Variants in POLG observed in about 807,000 individuals in gnomAD.
POLG encodes the protein DNA polymerase subunit gamma-1.
In POLG, 110 loss-of-function variants were observed where a neutral mutation model predicts 155.4. That is an observed-to-expected ratio of 0.71 (90% CI 0.61 to 0.83). The LOEUF (loss-of-function observed/expected upper bound fraction) is 0.83. Among genes scored for constraint, POLG ranks in the 40% least tolerant of loss-of-function variants. POLG has a pLI of 0.00. For missense variants in POLG, 1,685 were observed against 1,627.5 expected, an observed-to-expected ratio of 1.04 and a Z score of -0.61; for synonymous variants, 701 against 631.5, an observed-to-expected ratio of 1.11 and a Z score of -1.65.
intron 8 of POLG, 67 bp downstream of exon 8, chr15:89,326,845 C>T (rs1041587690): frequency 1.2e-6 from 2 of 1,607,980 alleles, no homozygotes; most frequent in African/African-American, 2.7e-5. Flanking sequence ...TCGAAGGACC[C>T]CCTCAATCAC....
chr15:89,322,491 A>G (rs907142774), intron 14 of POLG, among the ~76,000 whole-genome samples: 1 of 152,240 alleles, frequency 6.6e-6, no homozygotes, highest in Non-Finnish European at 1.5e-5. Flanking sequence ...CGGCTCCAGC[A>G]GTTACACCAA....
At chr15:89,320,259 G>A (rs1470157696) in intron 18 of POLG, among the ~76,000 whole-genome samples, 1 of 152,232 alleles carries the variant, frequency 6.6e-6, no homozygotes, top group African/African-American at 2.4e-5. Context: ...CCTGCAGAGA[G>A]TCTGCTAAGG....
rs2055416557 is a variant in POLG, at chr15:89,322,901, T to A, written c.2267A>T (p.Asp756Val). The change falls in exon 14 of 23, where the codon GAT becomes GTT. Residue 756 changes from aspartate to valine, a missense_variant and splice_region_variant. By Grantham distance (152) the Asp-to-Val change is radical. Coordinates refer to ENST00000268124, the MANE Select transcript of POLG (RefSeq NM_002693.3). Reference sequence around the variant, plus strand: ...GCTTCCCACATTACAGCTATTACCATCCTGGACAGAGCAAAGGAAGCAGGG... The same window carrying A: ...GCTTCCCACATTACAGCTATTACCAACCTGGACAGAGCAAAGGAAGCAGGG... ...GCWFFKLPHK[D>V]GNSCNVGSPF... 1 of 1,612,244 alleles carries A rather than the reference T, an allele frequency of 6.2e-7. No homozygotes were observed. The highest frequency in any genetic ancestry group is 1.3e-5 in the African/African-American group (1 of 74,970).
chr15:89,316,458 A>G lies in POLG; in HGVS notation c.*293T>C. 1 of 1,609,364 alleles carries G rather than the reference A, an allele frequency of 6.2e-7. No homozygotes were observed. The highest frequency in any genetic ancestry group is 1.7e-5 in the Admixed American group (1 of 59,634). ...CCAGCCAAGAAGAAAAGGAAAAAAT[A>G]AATGAAATGCCTGAGTTAATGTGAA... On this transcript the variant is annotated 3_prime_UTR_variant, in exon 23 of 23. Transcript: ENST00000268124.
chr15:89,325,927 G>A (rs1409755994), intron 9 of POLG, among the ~76,000 whole-genome samples: 1 of 152,194 alleles, frequency 6.6e-6, no homozygotes, highest in South Asian at 2.1e-4. Context: ...TCAGAAGCCA[G>A]GACACAAAAG....
At position 89,317,513 on chromosome 15, in the gene POLG, C is replaced by T; in HGVS notation, c.3506G>A (p.Gly1169Asp). The T allele has an allele frequency of 6.2e-7, 1 of 1,614,128 alleles. No homozygotes were observed. The highest frequency in any genetic ancestry group is 8.5e-7 in the Non-Finnish European group (1 of 1,180,010). ...LTRCMFAYKL[G>D]LNDLPQSVAF... The stretch of plus-strand genomic sequence containing the variant: ...GACTGACTGGGGCAAGTCATTCAGA[C>T]CCAGCTTGTAGGCAAACATGCACCT... The change falls in exon 22 of 23, where the codon GGT (glycine) becomes GAT (aspartate). Residue 1169 changes from glycine to aspartate, a missense_variant. By Grantham distance (94) the Gly-to-Asp change is moderately conservative. Coordinates refer to ENST00000268124, the MANE Select transcript of POLG (RefSeq NM_002693.3).
At chr15:89,319,676 A>G (rs1371262542) in intron 18 of POLG, among the ~76,000 whole-genome samples, 1 of 152,204 alleles carries the variant, frequency 6.6e-6, no homozygotes, top group Non-Finnish European at 1.5e-5. Context: ...GAATTGCCCA[A>G]TGACCAACAC....
At chr15:89,328,599 G>C in intron 5 of POLG, 64 bp from the exon 6 acceptor site, 2 of 1,608,022 alleles carry the variant, frequency 1.2e-6, no homozygotes, top group Middle Eastern at 1.7e-4. Flanking sequence ...CCAGCTCTCA[G>C]GGTCAGGCCT....
rs531029008 is a variant in POLG, at chr15:89,324,387, A to G, written c.1950-160T>C. ...TTTCCCGGGTTTTAGACAGGGATTG[A>G]TTGACAAACTGAAAATGACAGCACC... On this transcript the variant is annotated intron_variant, in intron 10 of 22. Transcript: ENST00000268124. The G allele has an allele frequency of 4.8e-5, 39 of 818,282 alleles. 1 individual carries two copies. The South Asian group carries it at 5.2e-4, about 11-fold the overall frequency. 50.7% of individuals were successfully genotyped at this position (818,282 alleles called of 1,614,324 possible). A position where few individuals can be genotyped will look rare whatever the true frequency, so the allele number is the denominator to read the frequency against.
In POLG at chr15:89,328,592, G is replaced by A. The variant is rs940554590; in HGVS notation, c.1171-57C>T. On this transcript the variant is annotated intron_variant, in intron 5 of 22. Transcript: ENST00000268124. ...GGCAGCCATCCCATTACCACCACCA[G>A]CTCTCAGGGTCAGGCCTGGCAGCTG... 4 of 1,605,802 alleles carry A rather than the reference G, an allele frequency of 2.5e-6. No individual in the cohort carries two copies. In the East Asian group the frequency reaches 8.9e-5, roughly 36 times the overall value.
intron 21 of POLG, 91 bp from the exon 22 acceptor site, chr15:89,317,627 AG>A (rs2055317435): frequency 1.5e-6 from 2 of 1,295,092 alleles, no homozygotes; most frequent in Admixed American, 3.4e-5. Flanking sequence ...CCCTTAGAGC[AG>A]GGCTTCCCCT....
At chr15:89,328,255 A>G (rs559629965) in intron 6 of POLG, among the ~76,000 whole-genome samples, 5 of 152,334 alleles carry the variant, frequency 3.3e-5, no homozygotes, top group Admixed American at 2.6e-4. Flanking sequence ...GCACAACTCC[A>G]TGGCCCTCCC....
rs10637324 is a variant in POLG at position 89,325,107 on chromosome 15, A to AGTGAGT, written c.1949+342_1949+343insACTCAC. Among the ~76,000 whole-genome samples, 24 of 36,626 alleles carry AGTGAGT rather than the reference A, an allele frequency of 6.6e-4. 3 individuals carry two copies. Among genetic ancestry groups the AGTGAGT allele is most frequent in the African/African-American group, 4.4e-3 (19 of 4,316 alleles). The allele number at this position is 36,626 out of a possible 152,430, so 24.0% of individuals were successfully genotyped here. ...GAGAGAGTGAGTGAGTGAGAGAGTG[A>AGTGAGT]GAGAGAGTGAGTGAGTGAGTGAGAG... On this transcript the variant is annotated intron_variant, in intron 10 of 22. Coordinates refer to ENST00000268124, the MANE Select transcript of POLG (RefSeq NM_002693.3).
At chr15:89,326,568 A>T (rs1160340843) in intron 9 of POLG, 44 bp downstream of exon 9, 1 of 1,607,598 alleles carries the variant, frequency 6.2e-7, no homozygotes, top group Admixed American at 1.7e-5. Flanking sequence ...AGAATGGAGC[A>T]AGGGTAGACT....
chr15:89,317,713 C>T, intron 21 of POLG, 177 bp from the exon 22 acceptor site: 2 of 663,670 alleles, frequency 3.0e-6, no homozygotes, highest in Middle Eastern at 3.8e-4. Flanking sequence ...ATCCAGCAGC[C>T]TAACCTCCCA....
intron 2 of POLG, among the ~76,000 whole-genome samples, chr15:89,331,096 C>T (rs1033506789): frequency 3.9e-5 from 6 of 152,138 alleles, no homozygotes; most frequent in South Asian, 2.1e-4. Context: ...GACGAGGCCA[C>T]GTGTGGACAA....
intron 10 of POLG, among the ~76,000 whole-genome samples, chr15:89,325,171 A>AGAGAGTGAGT (rs2055481532): frequency 5.1e-5 from 3 of 58,574 alleles, no homozygotes; most frequent in Admixed American, 4.2e-4. Context: ...AGTGAGTGAG[A>AGAGAGTGAGT]GAGTGAGAGA....
chr15:89,325,087 AGTG>A (rs1567189209), intron 10 of POLG, among the ~76,000 whole-genome samples: 22 of 97,062 alleles, frequency 2.3e-4, no homozygotes, highest in African/African-American at 1.0e-3. Context: ...TGAGTGAGAG[AGTG>A]AGTGAGTGAG....
rs1336274767 is a variant in POLG at position 89,318,717 on chromosome 15, C to A, written c.3306G>T (p.Gln1102His). 1 of 1,614,208 alleles carries A rather than the reference C, an allele frequency of 6.2e-7. No homozygotes were observed. The highest frequency in any genetic ancestry group is 1.7e-5 in the Admixed American group (1 of 60,034). Reference sequence around the variant, plus strand: ...GGTGTAAGTAGTCAACAGCAGAGCTCTGTACCACCCAATTCACACGGCTGG... The same window carrying A: ...GGTGTAAGTAGTCAACAGCAGAGCTATGTACCACCCAATTCACACGGCTGG... ...FMTSRVNWVV[Q>H]SSAVDYLHLM... Residue 1102 changes from glutamine (Q) to histidine (H), a missense_variant, in exon 21 of 23, where the codon CAG (glutamine) becomes CAT (histidine). Transcript: ENST00000268124.
Sources: gnomAD v4.1 joint callset for allele counts (sites outside exome capture counted in the v4.1 genomes callset) on GRCh38, gnomAD v4.1.1 for gene constraint, MANE v1.5 for transcripts, NCBI Gene and HGNC (gene_info 2026-07-23, HGNC 2026-07-21) for gene names.